The following PPP2R5C variants were observed in gnomAD, a reference collection of about 807,000 sequenced individuals.
The protein encoded by PPP2R5C is protein phosphatase 2 regulatory subunit B'gamma.
PPP2R5C carries 7 observed loss-of-function variants against 68.9 expected under a neutral mutation model. That is an observed-to-expected ratio of 0.10 (90% CI 0.06 to 0.19). The LOEUF (loss-of-function observed/expected upper bound fraction) is 0.19, where lower values mean the gene tolerates loss of function less well. Among genes scored for constraint, PPP2R5C ranks in the 10% least tolerant of loss-of-function variants. The pLI is 1.00. For missense variants in PPP2R5C, 348 were observed against 641.3 expected (o/e 0.54, Z 4.94); for synonymous variants, 210 against 222.2 (o/e 0.95, Z 0.49).
chr14:101,812,012 C>T (rs941387512), intron 1 of PPP2R5C, among the ~76,000 whole-genome samples: 1 of 152,264 alleles, frequency 6.6e-6, no homozygotes, highest in African/African-American at 2.4e-5. Flanking sequence ...GAAGGGATAA[C>T]TTTGGAGACC....
At position 101,883,804 on chromosome 14, in the gene PPP2R5C, G is replaced by A. The variant is rs146357667; in HGVS notation, c.629+242G>A. On this transcript the variant is annotated intron_variant, in intron 5 of 13. Coordinates refer to ENST00000334743, the Ensembl canonical transcript of PPP2R5C. ...CTCCTGAGCCACCAAGCTCCCCAGC[G>A]CCTCATCCTGGGTCCCTCCATTGTT... 2.0e-5 allele frequency among the ~76,000 whole-genome samples: 3 copies of A among 152,274 alleles called. No homozygotes were observed. The East Asian group carries it at 5.8e-4, about 29-fold the overall frequency.
intron 2 of PPP2R5C, among the ~76,000 whole-genome samples, chr14:101,863,993 A>G (rs1234437219): frequency 6.6e-6 from 1 of 152,230 alleles, no homozygotes; most frequent in East Asian, 1.9e-4. Context: ...AGTGCTCTCC[A>G]GGTCATCCTC....
chr14:101,793,653 C>A (rs566047936), intron 3 of PPP2R5C, among the ~76,000 whole-genome samples: 2 of 152,224 alleles, frequency 1.3e-5, no homozygotes, highest in African/African-American at 2.4e-5. Flanking sequence ...GCTCTGCCAT[C>A]CATGGATGAC....
chr14:101,882,416 A>G lies in PPP2R5C; in HGVS notation c.405+145A>G. ...CTCGTAAACCCATATGTACAAGAAA[A>G]ATATTTCAGCAGAATAAAGTTAATG... On this transcript the variant is annotated intron_variant, in intron 3 of 13. Transcript: ENST00000334743. The surrounding 1 kb of genome is among the most constrained non-coding windows in gnomAD (Gnocchi z 4.9). 1 of 549,116 alleles carries G rather than the reference A, an allele frequency of 1.8e-6. No homozygotes were observed. The highest frequency in any genetic ancestry group is 3.2e-6 in the Non-Finnish European group (1 of 308,212). 34.0% of individuals were successfully genotyped at this position (549,116 alleles called of 1,614,324 possible). A position where few individuals can be genotyped will look rare whatever the true frequency, so the allele number is the denominator to read the frequency against.
At chr14:101,822,113 T>G (rs2040122006) in intron 1 of PPP2R5C, among the ~76,000 whole-genome samples, 1 of 110,744 alleles carries the variant, frequency 9.0e-6, no homozygotes. Context: ...CCTTGCTAAA[T>G]TATTACATCA....
chr14:101,761,431 T>G (rs1449964329), upstream of PPP2R5C, among the ~76,000 whole-genome samples: 1 of 150,304 alleles, frequency 6.7e-6, no homozygotes, highest in African/African-American at 2.4e-5. Flanking sequence ...GGCCGCGGCC[T>G]GCCTGAGGCC....
chr14:101,831,670 T>C (rs2040748632), intron 1 of PPP2R5C: 1 of 686,670 alleles, frequency 1.5e-6, no homozygotes, highest in Non-Finnish European at 2.7e-6. Flanking sequence ...ACAGGTCCAC[T>C]TATATGTGGA....
At chr14:101,852,712 T>TCCAC (rs1037014771) in intron 1 of PPP2R5C, among the ~76,000 whole-genome samples, 15 of 152,208 alleles carry the variant, frequency 9.9e-5, no homozygotes, top group Admixed American at 3.9e-4. Flanking sequence ...CCTCAGATGA[T>TCCAC]CCACCCATCT....
At chr14:101,770,153 G>C (rs889218659) in intron 2 of PPP2R5C, among the ~76,000 whole-genome samples, 1 of 152,174 alleles carries the variant, frequency 6.6e-6, no homozygotes, top group African/African-American at 2.4e-5. Flanking sequence ...TCATTATGTG[G>C]CAGTGACTGT....
intron 1 of PPP2R5C, among the ~76,000 whole-genome samples, chr14:101,829,684 G>A (rs1007721889): frequency 6.6e-6 from 1 of 152,154 alleles, no homozygotes; most frequent in Non-Finnish European, 1.5e-5. Context: ...TTTGGTCGGT[G>A]TTTAGACAGT....
At chr14:101,901,604 C>T (rs2045696332) in intron 8 of PPP2R5C, 115 bp from the exon 11 acceptor site, 1 of 999,476 alleles carries the variant, frequency 1.0e-6, no homozygotes. Context: ...AAGATGGCAC[C>T]ATCTCCGTGT....
At chr14:101,871,523 G>A (rs1454470587) in intron 2 of PPP2R5C, among the ~76,000 whole-genome samples, 3 of 152,140 alleles carry the variant, frequency 2.0e-5, no homozygotes, top group Non-Finnish European at 2.9e-5. Flanking sequence ...GATTACAGGC[G>A]TGAACCACTG....
intron 1 of PPP2R5C, chr14:101,824,094 T>C (rs1301141086): frequency 1.6e-6 from 2 of 1,289,128 alleles, no homozygotes; most frequent in East Asian, 5.5e-5. Flanking sequence ...TTCCACTTGA[T>C]TTTCGGAGCT....
intron 1 of PPP2R5C, among the ~76,000 whole-genome samples, chr14:101,845,831 G>A (rs980299170): frequency 2.0e-5 from 3 of 152,150 alleles, no homozygotes; most frequent in African/African-American, 7.2e-5. Flanking sequence ...CAACAAAGCT[G>A]GATAAACCAC....
chr14:101,830,070 C>CA (rs1228284332), intron 1 of PPP2R5C, among the ~76,000 whole-genome samples: 1 of 152,152 alleles, frequency 6.6e-6, no homozygotes, highest in African/African-American at 2.4e-5. Flanking sequence ...TCTGAACCCT[C>CA]AGAGTGTGTA....
At chr14:101,832,704 G>T (rs76101216) in intron 1 of PPP2R5C, among the ~76,000 whole-genome samples, 1,757 of 152,246 alleles carry the variant, frequency 0.012, 31 homozygotes, top group African/African-American at 0.039. Flanking sequence ...GAGCAGGGTG[G>T]AGCGGGACTG....
chr14:101,788,659 A>G (rs1490126385), intron 3 of PPP2R5C, among the ~76,000 whole-genome samples: 1 of 152,202 alleles, frequency 6.6e-6, no homozygotes, highest in Admixed American at 6.5e-5. Context: ...CATATCCAGG[A>G]GAATTTCACA....
intron 8 of PPP2R5C, among the ~76,000 whole-genome samples, chr14:101,901,488 A>G (rs1346611129): frequency 6.6e-6 from 1 of 152,214 alleles, no homozygotes; most frequent in Non-Finnish European, 1.5e-5. Context: ...AATGTGACCC[A>G]TCTCTAAATA....
chr14:101,872,462 T>G (rs544168977), intron 2 of PPP2R5C, among the ~76,000 whole-genome samples: 1 of 152,226 alleles, frequency 6.6e-6, no homozygotes, highest in South Asian at 2.1e-4. Context: ...GGTCTCAAAC[T>G]CCTGGGCTCA....
Sources: gnomAD v4.1 joint callset for allele counts (sites outside exome capture counted in the v4.1 genomes callset) on GRCh38, gnomAD v4.1.1 for gene constraint, Gnocchi (gnomAD v3.1) non-coding constraint, MANE v1.5 for transcripts, NCBI Gene and HGNC (gene_info 2026-07-23, HGNC 2026-07-21) for gene names.